The following SESTD1 variants were observed in gnomAD, a reference collection of about 807,000 sequenced individuals.
The protein encoded by SESTD1 is SEC14 domain and spectrin repeat-containing protein 1.
A neutral mutation model predicts 101.7 loss-of-function variants in SESTD1; 43 were observed. The ratio of observed to expected loss-of-function variants is 0.42; its 90% CI spans 0.33 to 0.55. The LOEUF is 0.55. Ranked by LOEUF, SESTD1 falls within the 20% of genes least tolerant of loss-of-function variation. The pLI, the probability that SESTD1 is intolerant of heterozygous loss-of-function variation, is 0.07. For synonymous variants in SESTD1, 283 were observed against 286.8 expected (o/e 0.99, Z 0.13); for missense variants, 647 against 815.1 (o/e 0.79, Z 2.51).
At position 179,104,442 on chromosome 2, in the gene SESTD1, T is replaced by A. The variant is rs942252061; in HGVS notation, c.*5457A>T. 1 of 152,090 alleles carries A rather than the reference T, an allele frequency of 6.6e-6. No homozygotes were observed. The highest frequency in any genetic ancestry group is 2.4e-5 in the African/African-American group (1 of 41,420). The allele number at this position is 152,090 out of a possible 1,614,324, so 9.4% of individuals were successfully genotyped here. On this transcript the variant is annotated 3_prime_UTR_variant, in exon 18 of 18. Transcript: ENST00000428443. Reference sequence around the variant, plus strand: ...CTAACTTCCAGACTAAAAAAGAATCTGTAACTGTAATAGAAAAGAAGTGAG... The same window carrying A: ...CTAACTTCCAGACTAAAAAAGAATCAGTAACTGTAATAGAAAAGAAGTGAG...
rs192516998 is a variant in SESTD1, at chr2:179,259,767, A to G, written c.-26+4732T>C. On this transcript the variant is annotated intron_variant, in intron 1 of 17. Transcript: ENST00000428443. ...AAATTGACTATTTTGAACATCTATT[A>G]CATGCTAGAAACTAATGTCTTTCTT... 3.3e-5 allele frequency among the ~76,000 whole-genome samples: 5 copies of G among 152,348 alleles called. No homozygotes were observed. The East Asian group carries it at 9.6e-4, about 29-fold the overall frequency.
intron 1 of SESTD1, among the ~76,000 whole-genome samples, chr2:179,236,382 A>C (rs1404086528): frequency 6.6e-6 from 1 of 150,636 alleles, no homozygotes; most frequent in Non-Finnish European, 1.5e-5. Flanking sequence ...CTACAGCCCT[A>C]GCTACTTGCG....
At chr2:179,148,842 C>T (rs991603662) in intron 7 of SESTD1, among the ~76,000 whole-genome samples, 4 of 152,116 alleles carry the variant, frequency 2.6e-5, no homozygotes, top group South Asian at 2.1e-4. Context: ...GGGCAGATCA[C>T]GAGGTCAGGA....
At chr2:179,152,630 TAA>T (rs2045552841) in intron 5 of SESTD1, among the ~76,000 whole-genome samples, 1 of 151,990 alleles carries the variant, frequency 6.6e-6, no homozygotes, top group Non-Finnish European at 1.5e-5. Flanking sequence ...ATATCAACAA[TAA>T]ATAAGGAGAA....
Position 179,115,103 on chromosome 2 carries a change from A to G in SESTD1, c.1801T>C (p.Leu601=), listed in dbSNP as rs1401515225. 4.3e-6 allele frequency: 7 copies of G among 1,609,992 alleles called. No homozygotes were observed. In the East Asian group the frequency reaches 8.9e-5, roughly 21 times the overall value. ...TIASEERVHR[L]EMAIAFHSNA... is the part of the protein sequence containing the mutation. ...GAGTGAAATGCAATAGCCATTTCCAATCTATGTACTCTCTCTTCAGATGCT... is the reference window on the plus strand; with the variant it reads ...GAGTGAAATGCAATAGCCATTTCCAGTCTATGTACTCTCTCTTCAGATGCT... The change falls in exon 16 of 18, where the codon TTG becomes CTG. Residue 601 remains leucine (L), a synonymous_variant. Transcript: ENST00000428443.
At chr2:179,203,704 C>G (rs2046552780) in intron 1 of SESTD1, among the ~76,000 whole-genome samples, 4 of 134,082 alleles carry the variant, frequency 3.0e-5, no homozygotes, top group Admixed American at 2.9e-4. Context: ...GATTTGCAGC[C>G]AAGTCAGACA....
chr2:179,198,019 T>C (rs1268672707), intron 1 of SESTD1, among the ~76,000 whole-genome samples: 1 of 152,126 alleles, frequency 6.6e-6, no homozygotes, highest in Non-Finnish European at 1.5e-5. Flanking sequence ...AATGGCAAAC[T>C]GGATAAAGAG....
chr2:179,130,005 C>T (rs1453461422), intron 10 of SESTD1, among the ~76,000 whole-genome samples: 1 of 152,134 alleles, frequency 6.6e-6, no homozygotes, highest in Non-Finnish European at 1.5e-5. Context: ...AATTCTGAAA[C>T]AAAACCCAAA....
chr2:179,176,668 T>A (rs1387380088), intron 3 of SESTD1, 130 bp from the exon 4 acceptor site: 1 of 536,848 alleles, frequency 1.9e-6, no homozygotes, highest in Non-Finnish European at 3.1e-6. Flanking sequence ...TAGTTTACAT[T>A]GTCAATAAAT....
intron 9 of SESTD1, among the ~76,000 whole-genome samples, chr2:179,137,430 T>C (rs1048760115): frequency 3.9e-5 from 6 of 152,238 alleles, no homozygotes; most frequent in African/African-American, 1.2e-4. Flanking sequence ...AGCTGTATGC[T>C]TATGCAATGC....
At chr2:179,227,510 C>T (rs1243145464) in intron 1 of SESTD1, among the ~76,000 whole-genome samples, 1 of 152,008 alleles carries the variant, frequency 6.6e-6, no homozygotes, top group Non-Finnish European at 1.5e-5. Context: ...AAAATTTTTG[C>T]CATCCACTAT....
chr2:179,252,914 G>A (rs1403535998), intron 1 of SESTD1, among the ~76,000 whole-genome samples: 3 of 152,038 alleles, frequency 2.0e-5, no homozygotes, highest in Admixed American at 6.6e-5. Flanking sequence ...TCAGTGTGGT[G>A]ACCATTTTTG....
chr2:179,142,829 C>A (rs1254881257), intron 9 of SESTD1, among the ~76,000 whole-genome samples: 1 of 152,278 alleles, frequency 6.6e-6, no homozygotes, highest in East Asian at 1.9e-4. Context: ...TTAACACTTT[C>A]TCTCCCTAAA....
chr2:179,141,600 T>G lies in SESTD1; in HGVS notation c.849+1992A>C, dbSNP rs186378248. 2.6e-5 allele frequency among the ~76,000 whole-genome samples: 4 copies of G among 152,242 alleles called. No homozygotes were observed. In the East Asian group the frequency reaches 5.8e-4, roughly 22 times the overall value. On this transcript the variant is annotated intron_variant, in intron 9 of 17. Coordinates refer to ENST00000428443, the MANE Select transcript of SESTD1 (RefSeq NM_178123.5). ...AAATATTTTATAAAAATTACCTTCT[T>G]TAATTCTTGTAACAGTCCTATTAAG...
intron 5 of SESTD1, among the ~76,000 whole-genome samples, chr2:179,160,786 C>T (rs956841470): frequency 1.3e-5 from 2 of 151,010 alleles, no homozygotes; most frequent in South Asian, 4.1e-4. Context: ...AAATCTCATA[C>T]ACTCTCCATA....
intron 2 of SESTD1, among the ~76,000 whole-genome samples, chr2:179,187,574 C>T (rs995547675): frequency 5.9e-5 from 9 of 152,150 alleles, no homozygotes; most frequent in African/African-American, 2.2e-4. Flanking sequence ...GTCAAGGCTA[C>T]AGTGAGCTAT....
intron 9 of SESTD1, among the ~76,000 whole-genome samples, chr2:179,133,187 G>C (rs2105429219): frequency 6.6e-6 from 1 of 152,048 alleles, no homozygotes; most frequent in South Asian, 2.1e-4. Context: ...GGTATAAGGA[G>C]ATGAGATCAG....
chr2:179,102,634 T>C lies in SESTD1; in HGVS notation c.*7265A>G, dbSNP rs993203300. On this transcript the variant is annotated 3_prime_UTR_variant, in exon 18 of 18. Transcript: ENST00000428443. Reference sequence around the variant, plus strand: ...TTAATAGGAAAAATCGAATAAACCATACATATTTTTGAAAATGAGCATTAG... The same window carrying C: ...TTAATAGGAAAAATCGAATAAACCACACATATTTTTGAAAATGAGCATTAG... 2 of 152,022 alleles carry C rather than the reference T, an allele frequency of 1.3e-5. No individual in the cohort carries two copies. Among genetic ancestry groups the C allele is most frequent in the Non-Finnish European group, 2.9e-5 (2 of 68,006 alleles). 9.4% of individuals were successfully genotyped at this position (152,022 alleles called of 1,614,324 possible). A position where few individuals can be genotyped will look rare whatever the true frequency, so the allele number is the denominator to read the frequency against.
Position 179,116,679 on chromosome 2 carries a change from C to T in SESTD1, c.1636G>A (p.Asp546Asn). 1 of 1,614,092 alleles carries T rather than the reference C, an allele frequency of 6.2e-7. No homozygotes were observed. ...VLLEKHRKFV[D>N]VAQSTYDYGR... The stretch of plus-strand genomic sequence containing the variant: ...AACCAGTTTTGCACCTGTGCAACAT[C>T]AACAAATTTTCTATGCTTTTCCAGC... The change falls in exon 15 of 18, where the codon GAT becomes AAT. Residue 546 changes from aspartate (D) to asparagine (N), a missense_variant. Asp to Asn is a conservative substitution (Grantham distance 23, BLOSUM62 1). This residue lies in a region of SESTD1 where 476 missense variants were observed against 562.6 expected (regional missense o/e 0.85). Transcript: ENST00000428443.
Sources: allele counts gnomAD v4.1 joint callset (sites outside exome capture counted in the v4.1 genomes callset), GRCh38; gene constraint gnomAD v4.1.1; regional missense constraint gnomAD v4.1.1; transcripts MANE v1.5; gene names NCBI Gene and HGNC (gene_info 2026-07-23, HGNC 2026-07-21).